The following ABHD14B variants were observed in gnomAD, a reference collection of about 807,000 sequenced individuals.
ABHD14B encodes the protein abhydrolase domain containing 14B, also known as putative protein-lysine deacylase ABHD14B.
A neutral mutation model predicts 15.4 loss-of-function variants in ABHD14B; 19 were observed. The ratio of observed to expected loss-of-function variants is 1.23; its 90% confidence interval spans 0.86 to 1.81. The LOEUF (loss-of-function observed/expected upper bound fraction) is 1.81. Among genes scored for constraint, ABHD14B ranks in the 40% most tolerant of loss-of-function variants. The pLI is 0.00. For missense variants in ABHD14B, 243 were observed against 267.0 expected, an observed-to-expected ratio of 0.91 and a Z score of 0.63; for synonymous variants, 92 against 117.3, an observed-to-expected ratio of 0.78 and a Z score of 1.39.
Position 51,969,507 on chromosome 3 carries a change from C to T in ABHD14B, c.552G>A (p.Lys184=). 6.2e-7 allele frequency: 1 copy of T among 1,614,010 alleles called. No homozygotes were observed. The highest frequency in any genetic ancestry group is 8.5e-7 in the Non-Finnish European group (1 of 1,180,002). Residue 184 remains lysine (K), a synonymous_variant, in exon 4 of 4, where the codon AAG becomes AAA. Coordinates refer to ENST00000361143, the MANE Select transcript of ABHD14B (RefSeq NM_001146314.2). ...CCAGGTAACAGGGGTGCCCCGCCCCCTTCATGATCAGCACCCGGTGGTTGG... is the reference window on the plus strand; with the variant it reads ...CCAGGTAACAGGGGTGCCCCGCCCCTTTCATGATCAGCACCCGGTGGTTGG... The part of the protein sequence containing the change: ...QLPNHRVLIM[K]GAGHPCYLDK...
chr3:51,972,563 A>G (rs973048224), intron 1 of ABHD14B, among the ~76,000 whole-genome samples: 1 of 152,160 alleles, frequency 6.6e-6, no homozygotes, highest in Non-Finnish European at 1.5e-5. Context: ...ACAAGAGAAA[A>G]ACTCCATCTC....
At chr3:51,973,641 C>G in intron 1 of ABHD14B, 2 of 369,620 alleles carry the variant, frequency 5.4e-6, no homozygotes, top group South Asian at 4.1e-5. Flanking sequence ...GGCTCACCCC[C>G]AGTAGCTGGA....
intron 2 of ABHD14B, chr3:51,970,904 G>A (rs1700640938): frequency 4.4e-6 from 2 of 452,124 alleles, no homozygotes; most frequent in Admixed American, 4.7e-5. Context: ...TCTGGGCACT[G>A]ATCCCATCTA....
At position 51,969,521 on chromosome 3, in the gene ABHD14B, C is replaced by T. The variant is rs529742080; in HGVS notation, c.538G>A (p.Val180Met). Residue 180 changes from valine (V) to methionine (M), a missense_variant, in exon 4 of 4, where the codon GTG (valine) becomes ATG (methionine). By Grantham distance (21) the Val-to-Met change is conservative. Coordinates refer to ENST00000361143, the MANE Select transcript of ABHD14B (RefSeq NM_001146314.2). Reference protein sequence around the residue: ...EHLKQLPNHRVLIMKGAGHPC... With the variant: ...EHLKQLPNHRMLIMKGAGHPC... ...TGCCCCGCCCCCTTCATGATCAGCA[C>T]CCGGTGGTTGGGCAGCTGCTTCAGG... 1.2e-4 allele frequency: 194 copies of T among 1,613,952 alleles called. 1 individual carries two copies. In the South Asian group the frequency reaches 2.0e-3, roughly 17 times the overall value.
intron 1 of ABHD14B, among the ~76,000 whole-genome samples, chr3:51,973,249 G>A (rs1273367422): frequency 2.0e-5 from 3 of 150,318 alleles, no homozygotes; most frequent in East Asian, 3.9e-4. Context: ...ACGGGGTTTC[G>A]CCGTGTTAGC....
upstream of ABHD14B, chr3:51,974,346 G>A (rs1273105206): frequency 3.4e-6 from 1 of 296,766 alleles, no homozygotes; most frequent in Non-Finnish European, 6.6e-6. Flanking sequence ...AACTGCCCAG[G>A]GCAACTTGTT....
chr3:51,971,404 C>T, intron 2 of ABHD14B, 56 bp downstream of exon 2: 2 of 1,466,516 alleles, frequency 1.4e-6, no homozygotes, highest in Non-Finnish European at 1.8e-6. Context: ...AGGAACCTGG[C>T]CCTGTCCCTA....
In ABHD14B at chr3:51,971,521, G is replaced by A; in HGVS notation, c.150C>T (p.Asn50=). ...GGGCCAGCCTGTGCAGTGTACCCAGGTTCTGCCAGGTCTCGGAGGAGAAGC... is the reference window on the plus strand; with the variant it reads ...GGGCCAGCCTGTGCAGTGTACCCAGATTCTGCCAGGTCTCGGAGGAGAAGC... ...GIRFSSETWQ[N]LGTLHRLAQA... The change falls in exon 2 of 4, where the codon AAC becomes AAT. Residue 50 remains asparagine (N), a synonymous_variant. Coordinates refer to ENST00000361143, the MANE Select transcript of ABHD14B (RefSeq NM_001146314.2). 6.2e-7 allele frequency: 1 copy of A among 1,613,184 alleles called. No homozygotes were observed. The highest frequency in any genetic ancestry group is 1.3e-5 in the African/African-American group (1 of 75,004).
chr3:51,973,211 A>ATTT, intron 1 of ABHD14B, among the ~76,000 whole-genome samples: 2 of 149,442 alleles, frequency 1.3e-5, no homozygotes, highest in South Asian at 4.3e-4. Context: ...CGCCCGGCTA[A>ATTT]TTTTTTGTTT....
rs1446021702 is a variant in ABHD14B at position 51,970,151 on chromosome 3, G to A, written c.245C>T (p.Ala82Val). Residue 82 changes from alanine (A) to valine (V), a missense_variant, in exon 3 of 4, where the codon GCC becomes GTC. Transcript: ENST00000361143. ...LGHSKEAAAP[A>V]PIGELAPGSF... ...GCCAGGGGCCAGCTCCCCAATAGGG[G>A]CAGGGGCTGCTGCTTCCTTGGAGTG... The A allele has an allele frequency of 3.2e-6, 5 of 1,551,514 alleles. No individual in the cohort carries two copies. The highest frequency in any genetic ancestry group is 4.3e-6 in the Non-Finnish European group (5 of 1,150,638).
chr3:51,969,997 T>C lies in ABHD14B; in HGVS notation c.399A>G (p.Pro133=). ...APGSQLPGFV[P]VAPICTDKIN... ...TTTTGTCAGTGCAGATGGGGGCCAC[T>C]GGCACAAAGCCCGGGAGCTGGGAGC... Residue 133 remains proline, a synonymous_variant, in exon 3 of 4, where the codon CCA becomes CCG. Coordinates refer to ENST00000361143, the MANE Select transcript of ABHD14B (RefSeq NM_001146314.2). 2 of 1,614,172 alleles carry C rather than the reference T, an allele frequency of 1.2e-6. No homozygotes were observed. The highest frequency in any genetic ancestry group is 1.7e-6 in the Non-Finnish European group (2 of 1,180,018).
intron 1 of ABHD14B, among the ~76,000 whole-genome samples, chr3:51,972,298 G>A (rs987592246): frequency 1.3e-5 from 2 of 150,498 alleles, no homozygotes; most frequent in Admixed American, 6.7e-5. Context: ...GGCCAGGCGC[G>A]GTGGCACACG....
chr3:51,973,505 GTTTTTTTTTTTTTCT>G (rs1180408593), intron 1 of ABHD14B, among the ~76,000 whole-genome samples: 20 of 126,830 alleles, frequency 1.6e-4, no homozygotes, highest in Non-Finnish European at 2.5e-4. Context: ...ATTTTCTTCG[GTTTTTTTTTTTTTCT>G]TTTTTTTTTT....
chr3:51,974,095 G>T (rs970306916), upstream of ABHD14B: 2 of 1,258,978 alleles, frequency 1.6e-6, no homozygotes, highest in Admixed American at 2.4e-5. Flanking sequence ...GTGCTCCGGG[G>T]CGCCCTCTTG....
rs762131634 is a variant in ABHD14B at position 51,969,405 on chromosome 3, C to A, written c.*21G>T. 6.3e-7 allele frequency: 1 copy of A among 1,588,434 alleles called. No homozygotes were observed. Among genetic ancestry groups the A allele is most frequent in the African/African-American group, 1.3e-5 (1 of 74,176 alleles). ...AGCTCAGAGCAGGCAGGCAGCCCAC[C>A]CCCTGCAGCAGTGCTGGGCTTCACT... On this transcript the variant is annotated 3_prime_UTR_variant, in exon 4 of 4. Coordinates refer to ENST00000361143, the MANE Select transcript of ABHD14B (RefSeq NM_001146314.2).
rs745912180 is a variant in ABHD14B at position 51,971,659 on chromosome 3, G to A, written c.12C>T (p.Ser4=). 30 of 1,611,282 alleles carry A rather than the reference G, an allele frequency of 1.9e-5. No homozygotes were observed. Among genetic ancestry groups the A allele is most frequent in the Middle Eastern group, 1.8e-4 (1 of 5,622 alleles). Residue 4 remains serine (S), a synonymous_variant, in exon 2 of 4, where the codon AGC becomes AGT. Coordinates refer to ENST00000361143, the MANE Select transcript of ABHD14B (RefSeq NM_001146314.2). ...GGATGGTGCCCTCGCGCTGCTCCAC[G>A]CTTGCTGCCATGCCTGCTGCTGCTG... The part of the protein sequence containing the change: MAA[S]VEQREGTIQV...
intron 1 of ABHD14B, among the ~76,000 whole-genome samples, chr3:51,973,508 T>TTTTTTTTTTTTCTTTTTTTTTTC (rs1292913807): frequency 9.6e-5 from 14 of 145,688 alleles, no homozygotes; most frequent in African/African-American, 3.6e-4. Flanking sequence ...TTCTTCGGTT[T>TTTTTTTTTTTTCTTTTTTTTTTC]TTTTTTTTTT....
At chr3:51,971,862 A>AGT (rs1297249094) in intron 1 of ABHD14B, 164 bp from the exon 2 acceptor site, 2 of 1,355,890 alleles carry the variant, frequency 1.5e-6, no homozygotes, top group African/African-American at 2.9e-5. Flanking sequence ...CATTTACTTT[A>AGT]GTGTGTAACC....
Position 51,969,358 on chromosome 3 carries a change from G to GAAGAGAGAGCGTGC in ABHD14B, c.*54_*67dup, listed in dbSNP as rs924384620. Reference sequence around the variant, plus strand: ...TGTGCATGAGCCAGAGCCTGGGAGAGAAGAGAGAGCGTGCAAGAGAGAGCT... The same window carrying GAAGAGAGAGCGTGC: ...TGTGCATGAGCCAGAGCCTGGGAGAGAAGAGAGAGCGTGCAAGAGAGAGCGTGCAAGAGAGAGCT... On this transcript the variant is annotated 3_prime_UTR_variant, in exon 4 of 4. Coordinates refer to ENST00000361143, the MANE Select transcript of ABHD14B (RefSeq NM_001146314.2). The GAAGAGAGAGCGTGC allele has an allele frequency of 1.3e-5, 19 of 1,510,100 alleles. No homozygotes were observed. The highest frequency in any genetic ancestry group is 1.3e-4 in the African/African-American group (9 of 71,968). The allele number at this position is 1,510,100 out of a possible 1,614,324, so 93.5% of individuals were successfully genotyped here.
Sources: gnomAD v4.1 joint callset for allele counts (sites outside exome capture counted in the v4.1 genomes callset) on GRCh38, gnomAD v4.1.1 for gene constraint, MANE v1.5 for transcripts, NCBI Gene and HGNC (gene_info 2026-07-23, HGNC 2026-07-21) for gene names.